The following COMMD10 variants were observed in gnomAD, a reference collection of about 807,000 sequenced individuals.
COMMD10 encodes the protein COMM domain containing 10.
In COMMD10, 33 loss-of-function variants were observed where a neutral mutation model predicts 28.9. That is an observed-to-expected ratio of 1.14 (90% CI 0.87 to 1.53). The LOEUF is 1.53. Among genes scored for constraint, COMMD10 ranks in the 40% most tolerant of loss-of-function variants. The pLI is 0.00. For missense variants in COMMD10, 310 were observed against 233.4 expected (o/e 1.33, Z -2.14); for synonymous variants, 110 against 81.7 (o/e 1.35, Z -1.87).
chr5:116,185,318 G>A (rs7701736), intron 5 of COMMD10, among the ~76,000 whole-genome samples: 30,915 of 151,934 alleles, frequency 0.2, 5,090 homozygotes, highest in African/African-American at 0.46. Context: ...AAGGACAAAG[G>A]CAAGGGGCAT....
At chr5:116,188,228 A>T (rs1214172342) in intron 5 of COMMD10, among the ~76,000 whole-genome samples, 2 of 152,090 alleles carry the variant, frequency 1.3e-5, no homozygotes, top group Non-Finnish European at 2.9e-5. Context: ...ACAAGCTTTG[A>T]TTACCTCTTA....
chr5:116,179,578 C>T (rs1449924234), intron 5 of COMMD10, among the ~76,000 whole-genome samples: 1 of 152,060 alleles, frequency 6.6e-6, no homozygotes, highest in Non-Finnish European at 1.5e-5. Flanking sequence ...GCTTAAAAGA[C>T]CTGGCACAGA....
chr5:116,223,003 C>A (rs912314486), intron 5 of COMMD10, among the ~76,000 whole-genome samples: 6 of 152,072 alleles, frequency 3.9e-5, no homozygotes, highest in African/African-American at 7.2e-5. Flanking sequence ...CTTTTTAATA[C>A]TATGGTTATT....
At chr5:116,092,780 TA>T (rs1197730246) in intron 4 of COMMD10, 80 bp downstream of exon 4, 1 of 1,091,740 alleles carries the variant, frequency 9.2e-7, no homozygotes, top group Non-Finnish European at 1.3e-6. Flanking sequence ...TTTAAAGTGA[TA>T]ATATTTTGTT....
intron 5 of COMMD10, among the ~76,000 whole-genome samples, chr5:116,182,892 G>A (rs1243588818): frequency 1.3e-5 from 2 of 152,066 alleles, no homozygotes; most frequent in Admixed American, 6.6e-5. Context: ...ATGATAGTGA[G>A]TCTCAAGAGA....
At chr5:116,255,991 GA>G (rs574135116) in intron 5 of COMMD10, among the ~76,000 whole-genome samples, 66 of 151,634 alleles carry the variant, frequency 4.4e-4, no homozygotes, top group Middle Eastern at 3.4e-3. Context: ...AAATTTCATG[GA>G]TATGCATATT....
At chr5:116,218,277 C>T (rs907016971) in intron 5 of COMMD10, 1 of 730,590 alleles carries the variant, frequency 1.4e-6, no homozygotes, top group Non-Finnish European at 2.6e-6. Flanking sequence ...GCATCCCCTT[C>T]AGCCTTTCTC....
chr5:116,102,863 T>C (rs1375608030), intron 4 of COMMD10, among the ~76,000 whole-genome samples: 1 of 151,942 alleles, frequency 6.6e-6, no homozygotes, highest in Non-Finnish European at 1.5e-5. Context: ...CCCCACCCCT[T>C]ATGTCCATGT....
At chr5:116,237,923 G>A (rs919156688) in intron 5 of COMMD10, among the ~76,000 whole-genome samples, 6 of 151,680 alleles carry the variant, frequency 4.0e-5, no homozygotes, top group African/African-American at 1.2e-4. Flanking sequence ...GGGTCAGAAT[G>A]TCGTCGTTTC....
At chr5:116,268,581 C>T (rs1240199442) in intron 5 of COMMD10, among the ~76,000 whole-genome samples, 4 of 151,976 alleles carry the variant, frequency 2.6e-5, no homozygotes, top group East Asian at 1.9e-4. Flanking sequence ...TACCATTTGA[C>T]CCAGCCATCC....
At chr5:116,093,905 G>A (rs1048193854) in intron 4 of COMMD10, among the ~76,000 whole-genome samples, 6 of 152,278 alleles carry the variant, frequency 3.9e-5, no homozygotes, top group African/African-American at 1.2e-4. Flanking sequence ...TTACAAAGTT[G>A]CCAAGAGCAT....
At chr5:116,208,128 A>G (rs537189807) in intron 5 of COMMD10, among the ~76,000 whole-genome samples, 13 of 152,234 alleles carry the variant, frequency 8.5e-5, no homozygotes, top group African/African-American at 2.4e-4. Context: ...ATATAACTCT[A>G]TCTTAAATAA....
chr5:116,234,626 C>G (rs919658957), intron 5 of COMMD10, among the ~76,000 whole-genome samples: 2 of 152,082 alleles, frequency 1.3e-5, no homozygotes, highest in African/African-American at 4.8e-5. Flanking sequence ...ATTGAAGTGT[C>G]CAGTAATGAT....
At chr5:116,220,371 C>T (rs1277180925) in intron 5 of COMMD10, among the ~76,000 whole-genome samples, 1 of 152,066 alleles carries the variant, frequency 6.6e-6, no homozygotes, top group Non-Finnish European at 1.5e-5. Flanking sequence ...GAGAATGTCA[C>T]AGTAGATGAC....
At chr5:116,198,987 G>T (rs1282138853) in intron 5 of COMMD10, among the ~76,000 whole-genome samples, 5 of 152,088 alleles carry the variant, frequency 3.3e-5, no homozygotes. Flanking sequence ...AACATGTTTG[G>T]TGGATTGTAT....
chr5:116,150,968 C>T (rs969155498), intron 5 of COMMD10, among the ~76,000 whole-genome samples: 4 of 151,640 alleles, frequency 2.6e-5, no homozygotes, highest in African/African-American at 7.3e-5. Flanking sequence ...AGTTTTTGCC[C>T]ATTCAGGTAT....
chr5:116,228,556 T>G (rs1347362013), intron 5 of COMMD10, among the ~76,000 whole-genome samples: 1 of 151,958 alleles, frequency 6.6e-6, no homozygotes, highest in East Asian at 1.9e-4. Flanking sequence ...AAAGAACCTT[T>G]AATAGACCGC....
Position 116,166,741 on chromosome 5 carries a change from C to A in COMMD10, c.510+32563C>A, listed in dbSNP as rs150151582. Among the ~76,000 whole-genome samples, 1,225 of 152,274 alleles carry A rather than the reference C, an allele frequency of 8.0e-3. 22 individuals carry two copies. The highest frequency in any genetic ancestry group is 0.028 in the African/African-American group (1,149 of 41,550). ...CCTCCAGCAAACTCCAGCAGACTTG[C>A]AGCAGAGGGGCCTGACTGTTAGAAA... On this transcript the variant is annotated intron_variant, in intron 5 of 6. Transcript: ENST00000274458.
At chr5:116,139,739 A>G (rs1752136391) in intron 5 of COMMD10, among the ~76,000 whole-genome samples, 1 of 151,636 alleles carries the variant, frequency 6.6e-6, no homozygotes, top group Non-Finnish European at 1.5e-5. Flanking sequence ...TCATTCTCTC[A>G]CATATTTAAC....
Sources: gnomAD v4.1 joint callset for allele counts (sites outside exome capture counted in the v4.1 genomes callset) on GRCh38, gnomAD v4.1.1 for gene constraint, MANE v1.5 for transcripts, NCBI Gene and HGNC (gene_info 2026-07-23, HGNC 2026-07-21) for gene names.